STK3: variants seen among roughly 807,000 people sequenced by gnomAD.
The protein encoded by STK3 is serine/threonine kinase 3.
In STK3, 41 loss-of-function variants were observed where a neutral mutation model predicts 58.0. That is an observed-to-expected ratio of 0.71 (90% CI 0.55 to 0.92). The LOEUF (loss-of-function observed/expected upper bound fraction) is 0.92. Among genes scored for constraint, STK3 ranks in the 40% least tolerant of loss-of-function variants. The probability of loss-of-function intolerance (pLI) is 0.00; values close to 1 mark genes in which losing one functional copy is unlikely to be tolerated. For synonymous variants in STK3, 170 were observed against 191.0 expected (o/e 0.89, Z 0.91); for missense variants, 479 against 602.7 (o/e 0.79, Z 2.15).
chr8:98,726,932 T>C (rs1351762978), intron 4 of STK3, among the ~76,000 whole-genome samples: 1 of 152,198 alleles, frequency 6.6e-6, no homozygotes, highest in African/African-American at 2.4e-5. Context: ...TTGTGAGCTA[T>C]TTTAGAGTTT....
At chr8:98,658,244 G>A (rs1447086314) in intron 6 of STK3, among the ~76,000 whole-genome samples, 1 of 152,000 alleles carries the variant, frequency 6.6e-6, no homozygotes, top group African/African-American at 2.4e-5. Context: ...CCCTATTGAA[G>A]CTGGACTGTG....
At chr8:98,404,886 T>C (rs562400078) in intron 3 of STK3, among the ~76,000 whole-genome samples, 43 of 152,038 alleles carry the variant, frequency 2.8e-4, no homozygotes, top group Non-Finnish European at 5.9e-4. Flanking sequence ...TGACTGTAGG[T>C]TACCATTCTG....
intron 10 of STK3, among the ~76,000 whole-genome samples, chr8:98,478,181 G>C (rs1376852778): frequency 6.6e-6 from 1 of 152,158 alleles, no homozygotes; most frequent in Non-Finnish European, 1.5e-5. Flanking sequence ...CAGGAAATGA[G>C]AGGAATCTGT....
At chr8:98,584,996 C>A (rs1470351632) in intron 7 of STK3, among the ~76,000 whole-genome samples, 3 of 149,802 alleles carry the variant, frequency 2.0e-5, no homozygotes, top group African/African-American at 7.3e-5. Flanking sequence ...TGGATATTAG[C>A]CCTTTGTCAG....
At chr8:98,668,506 CA>C (rs1822538103) in intron 6 of STK3, among the ~76,000 whole-genome samples, 1 of 151,968 alleles carries the variant, frequency 6.6e-6, no homozygotes, top group Admixed American at 6.6e-5. Flanking sequence ...AACTAGTTTT[CA>C]AAAAAGCTTA....
At chr8:98,882,218 G>A (rs1178879941), downstream of STK3, 1 of 151,898 alleles carries the variant, frequency 6.6e-6, no homozygotes, top group Non-Finnish European at 1.5e-5. Flanking sequence ...TGCTTTGGGT[G>A]TTTATAGTTG....
chr8:98,723,582 A>G (rs1014664634), intron 4 of STK3, among the ~76,000 whole-genome samples: 39 of 152,158 alleles, frequency 2.6e-4, no homozygotes, highest in African/African-American at 8.7e-4. Context: ...ACACAAAATT[A>G]AGAATTTTAA....
rs561649739 is a variant in STK3, at chr8:98,699,629, C to A, written c.684+6838G>T. Reference sequence around the variant, plus strand: ...TGTTGGAGTTTGCTAGAGGTCCACTCCAGACTCGGTTTGCCTGGGTACCAG... The same window carrying A: ...TGTTGGAGTTTGCTAGAGGTCCACTACAGACTCGGTTTGCCTGGGTACCAG... On this transcript the variant is annotated intron_variant, in intron 6 of 10. Transcript: ENST00000419617. Among the ~76,000 whole-genome samples, 1,159 of 152,316 alleles carry A rather than the reference C, an allele frequency of 7.6e-3. 16 individuals carry two copies. The highest frequency in any genetic ancestry group is 8.6e-3 in the Non-Finnish European group (583 of 68,026).
chr8:98,711,001 C>A (rs1310491542), intron 4 of STK3, among the ~76,000 whole-genome samples: 2 of 152,218 alleles, frequency 1.3e-5, no homozygotes, highest in Non-Finnish European at 2.9e-5. Flanking sequence ...TGTTCTGCAG[C>A]CTCCATTGCT....
chr8:98,879,846 C>T (rs755318563), downstream of STK3: 11 of 152,160 alleles, frequency 7.2e-5, no homozygotes, highest in Non-Finnish European at 4.4e-5. Context: ...CATTTTATAA[C>T]ATGTTATTCA....
chr8:98,469,837 A>G (rs1820783774), intron 10 of STK3, among the ~76,000 whole-genome samples: 1 of 152,204 alleles, frequency 6.6e-6, no homozygotes, highest in Non-Finnish European at 1.5e-5. Context: ...AAGTAATAAC[A>G]CAGCTATGTG....
At chr8:98,882,137 C>T (rs1837816514), downstream of STK3, 1 of 152,004 alleles carries the variant, frequency 6.6e-6, no homozygotes, top group Non-Finnish European at 1.5e-5. Flanking sequence ...AAAAATTTAT[C>T]CATGACTTAT....
At chr8:98,858,264 C>A (rs1256638397) in intron 3 of STK3, among the ~76,000 whole-genome samples, 2 of 130,596 alleles carry the variant, frequency 1.5e-5, no homozygotes, top group Non-Finnish European at 3.1e-5. Context: ...CACCTATAGT[C>A]CCAGCTACAG....
At chr8:98,907,001 A>AAAAAAAAAAAAAAAAG (rs1250358078) in intron 1 of STK3, among the ~76,000 whole-genome samples, 1 of 151,648 alleles carries the variant, frequency 6.6e-6, no homozygotes, top group African/African-American at 2.4e-5. Flanking sequence ...AAAAAAAAAA[A>AAAAAAAAAAAAAAAAG]AAAAAAATTA....
chr8:98,776,805 A>T (rs1230106350), intron 1 of STK3, among the ~76,000 whole-genome samples: 2 of 151,854 alleles, frequency 1.3e-5, no homozygotes, highest in Non-Finnish European at 2.9e-5. Context: ...TAATCCCAGC[A>T]CTTTGGAAGG....
the STK3 span, among the ~76,000 whole-genome samples, chr8:98,364,434 G>A: frequency 5.6e-4 from 85 of 152,240 alleles, no homozygotes; most frequent in African/African-American, 2.0e-3. Flanking sequence ...ACTGGGTCTC[G>A]GGAGGCCTGC....
chr8:98,356,806 T>C, the STK3 span, among the ~76,000 whole-genome samples: 2 of 152,238 alleles, frequency 1.3e-5, no homozygotes, highest in Admixed American at 1.3e-4. Context: ...CAATTTTTAA[T>C]ATTTAAAAGT....
intron 6 of STK3, chr8:98,651,639 T>G (rs1302996967): frequency 6.6e-6 from 1 of 152,110 alleles, no homozygotes; most frequent in Non-Finnish European, 1.5e-5. Context: ...TATAGAGAAG[T>G]GCTTAAAGGA....
intron 6 of STK3, among the ~76,000 whole-genome samples, chr8:98,669,464 G>C (rs1822642996): frequency 6.6e-6 from 1 of 152,084 alleles, no homozygotes; most frequent in Non-Finnish European, 1.5e-5. Flanking sequence ...TCAAATACAG[G>C]AAGACACCCT....
Sources: allele counts gnomAD v4.1 joint callset (sites outside exome capture counted in the v4.1 genomes callset), GRCh38; gene constraint gnomAD v4.1.1; transcripts MANE v1.5; gene names NCBI Gene and HGNC (gene_info 2026-07-23, HGNC 2026-07-21).